GPHN: variants seen among roughly 807,000 people sequenced by gnomAD.
GPHN encodes the protein gephyrin.
A neutral mutation model predicts 95.5 loss-of-function variants in GPHN; 17 were observed. The ratio of observed to expected loss-of-function variants is 0.18; its 90% confidence interval spans 0.12 to 0.27. GPHN has a LOEUF of 0.27. Among genes scored for constraint, GPHN ranks in the 10% least tolerant of loss-of-function variants. The pLI is 1.00. For missense variants in GPHN, 660 were observed against 978.1 expected (o/e 0.67, Z 4.34); for synonymous variants, 320 against 322.5 (o/e 0.99, Z 0.08).
chr14:66,911,553 TGA>T (rs1174048136), intron 5 of GPHN, among the ~76,000 whole-genome samples: 1 of 152,020 alleles, frequency 6.6e-6, no homozygotes, highest in Non-Finnish European at 1.5e-5. Flanking sequence ...AAAGTATCAG[TGA>T]TAGTCTATTG....
chr14:67,052,040 G>A (rs117107229), intron 10 of GPHN, among the ~76,000 whole-genome samples: 1,834 of 152,268 alleles, frequency 0.012, 19 homozygotes, highest in Non-Finnish European at 0.018. Context: ...ACGCTTCGAA[G>A]CAACTACATC....
At chr14:66,990,814 C>T (rs867672369) in intron 9 of GPHN, among the ~76,000 whole-genome samples, 17 of 151,274 alleles carry the variant, frequency 1.1e-4, no homozygotes, top group Non-Finnish European at 1.9e-4. Flanking sequence ...TTCAGAAGTG[C>T]AGGATGAAGA....
chr14:66,585,304 G>A (rs190182278), intron 1 of GPHN, among the ~76,000 whole-genome samples: 22 of 151,952 alleles, frequency 1.4e-4, no homozygotes, highest in South Asian at 6.2e-4. Context: ...TCTTGCTAGC[G>A]GTCTATCAAT....
At chr14:67,417,660 G>A in the GPHN span, among the ~76,000 whole-genome samples, 8 of 152,280 alleles carry the variant, frequency 5.3e-5, no homozygotes, top group South Asian at 1.7e-3. Flanking sequence ...TGAACTCATG[G>A]GCTCAAGTGA....
At chr14:66,564,802 T>C (rs2060395265) in intron 1 of GPHN, among the ~76,000 whole-genome samples, 2 of 152,176 alleles carry the variant, frequency 1.3e-5, no homozygotes, top group African/African-American at 4.8e-5. Flanking sequence ...AAAGTGGTTG[T>C]GTGTGCATGC....
intron 2 of GPHN, among the ~76,000 whole-genome samples, chr14:66,682,507 T>A (rs2066997606): frequency 6.6e-6 from 1 of 152,040 alleles, no homozygotes; most frequent in Admixed American, 6.6e-5. Context: ...ATCCCAGAAC[T>A]TTGGGAGGCT....
At chr14:66,695,639 T>C (rs1255740985) in intron 2 of GPHN, among the ~76,000 whole-genome samples, 1 of 152,210 alleles carries the variant, frequency 6.6e-6, no homozygotes, top group African/African-American at 2.4e-5. Flanking sequence ...ATAAGTAAAC[T>C]GTGGTACATC....
the GPHN span, among the ~76,000 whole-genome samples, chr14:67,462,659 T>G: frequency 6.6e-6 from 1 of 152,204 alleles, no homozygotes; most frequent in Non-Finnish European, 1.5e-5. Context: ...AGAAATTTAC[T>G]GGAAAGCTGT....
the GPHN span, among the ~76,000 whole-genome samples, chr14:67,492,868 C>A: frequency 6.6e-6 from 1 of 152,314 alleles, no homozygotes; most frequent in Admixed American, 6.5e-5. Context: ...GTTCCTGCCC[C>A]CTTGGAGCTC....
chr14:66,915,907 C>T (rs1324403192), intron 5 of GPHN, 96 bp from the exon 6 acceptor site: 2 of 779,924 alleles, frequency 2.6e-6, no homozygotes, highest in Non-Finnish European at 4.7e-6. Flanking sequence ...AACAGTTGTT[C>T]ACATGTAAAG....
At chr14:66,630,629 A>G (rs11158640) in intron 1 of GPHN, among the ~76,000 whole-genome samples, 47,638 of 151,748 alleles carry the variant, frequency 0.31, 11,476 homozygotes, top group African/African-American at 0.65. Flanking sequence ...CCATCACCAC[A>G]CCTGGCTAAT....
intron 2 of GPHN, among the ~76,000 whole-genome samples, chr14:66,708,527 A>C (rs2069310072): frequency 6.6e-6 from 1 of 152,172 alleles, no homozygotes; most frequent in Non-Finnish European, 1.5e-5. Context: ...TCTGGACATG[A>C]ATTTACAAGA....
At chr14:66,516,406 C>G (rs1041772340) in intron 1 of GPHN, among the ~76,000 whole-genome samples, 2 of 152,140 alleles carry the variant, frequency 1.3e-5, no homozygotes, top group East Asian at 3.9e-4. Flanking sequence ...TCAGGTTTTA[C>G]CCACTTGCCC....
At chr14:67,417,644 T>A in the GPHN span, among the ~76,000 whole-genome samples, 1 of 152,200 alleles carries the variant, frequency 6.6e-6, no homozygotes, top group Non-Finnish European at 1.5e-5. Context: ...TTGCTCAGGC[T>A]GGTCTTGAAC....
chr14:67,013,550 A>G (rs1172276048), intron 9 of GPHN, among the ~76,000 whole-genome samples: 2 of 152,126 alleles, frequency 1.3e-5, no homozygotes, highest in Admixed American at 1.3e-4. Context: ...AATACTAGGC[A>G]TCAGAATGCC....
intron 9 of GPHN, among the ~76,000 whole-genome samples, chr14:67,014,313 A>G (rs1342979586): frequency 6.6e-6 from 1 of 152,152 alleles, no homozygotes; most frequent in East Asian, 1.9e-4. Flanking sequence ...TGTTATTATT[A>G]TCTTCACTTA....
At chr14:67,715,668 C>T in the GPHN span, among the ~76,000 whole-genome samples, 27 of 152,298 alleles carry the variant, frequency 1.8e-4, no homozygotes, top group Middle Eastern at 0.01. Flanking sequence ...TAAGTATCTT[C>T]TGAAGGAGTG....
chr14:66,741,515 GT>G lies in GPHN; in HGVS notation c.144-34948del, dbSNP rs555362920. On this transcript the variant is annotated intron_variant, in intron 2 of 22. Coordinates refer to ENST00000478722, the MANE Select transcript of GPHN (RefSeq NM_020806.5). Reference sequence around the variant, plus strand: ...ATTAATATAAAAGGTTGGGGGAAATGTGGAGAGTAATACCAGAGACAAACAA... The same window carrying G: ...ATTAATATAAAAGGTTGGGGGAAATGGGAGAGTAATACCAGAGACAAACAA... Among the ~76,000 whole-genome samples the G allele has an allele frequency of 6.0e-3, 912 of 152,256 alleles. 9 individuals carry two copies. The highest frequency in any genetic ancestry group is 0.021 in the African/African-American group (890 of 41,546).
At chr14:66,605,891 G>A (rs557653447) in intron 1 of GPHN, among the ~76,000 whole-genome samples, 2 of 152,062 alleles carry the variant, frequency 1.3e-5, no homozygotes, top group Admixed American at 6.5e-5. Flanking sequence ...TATAGATTCT[G>A]GATATTAGAC....
Sources: gnomAD v4.1 joint callset for allele counts (sites outside exome capture counted in the v4.1 genomes callset) on GRCh38, gnomAD v4.1.1 for gene constraint, MANE v1.5 for transcripts, NCBI Gene and HGNC (gene_info 2026-07-23, HGNC 2026-07-21) for gene names.